Variants in ARMH4 observed in about 807,000 individuals in gnomAD.
The protein encoded by ARMH4 is armadillo like helical domain containing 4.
A neutral mutation model predicts 61.9 loss-of-function variants in ARMH4; 49 were observed. The observed-to-expected ratio is 0.79, with a 90% CI of 0.63 to 1.00. ARMH4 has a LOEUF of 1.00. Among genes scored for constraint, ARMH4 ranks in the 50% least tolerant of loss-of-function variants. ARMH4 has a pLI of 0.00. For synonymous variants in ARMH4, 368 were observed against 341.5 expected, an observed-to-expected ratio of 1.08 and a Z score of -0.85; for missense variants, 934 against 930.0, an observed-to-expected ratio of 1.00 and a Z score of -0.06.
intron 5 of ARMH4, among the ~76,000 whole-genome samples, chr14:58,089,760 G>C (rs1048248815): frequency 5.3e-5 from 8 of 152,314 alleles, no homozygotes; most frequent in Non-Finnish European, 8.8e-5. Flanking sequence ...ATAAATTAGA[G>C]GATCAGACAG....
At chr14:58,101,735 G>C (rs752526703) in intron 4 of ARMH4, among the ~76,000 whole-genome samples, 6 of 152,038 alleles carry the variant, frequency 3.9e-5, no homozygotes, top group Admixed American at 6.5e-5. Flanking sequence ...GAAAACAGCA[G>C]TGAGGATTGT....
At chr14:58,080,512 T>C (rs192078600) in intron 5 of ARMH4, among the ~76,000 whole-genome samples, 1 of 152,204 alleles carries the variant, frequency 6.6e-6, no homozygotes, top group African/African-American at 2.4e-5. Context: ...CTAATAGAAG[T>C]AGATATTATA....
intron 5 of ARMH4, among the ~76,000 whole-genome samples, chr14:58,026,093 T>C (rs1397704390): frequency 6.6e-6 from 1 of 151,996 alleles, no homozygotes; most frequent in Non-Finnish European, 1.5e-5. Flanking sequence ...GCCAGGGTTA[T>C]TTATTAGTGC....
chr14:58,008,877 A>G (rs1377299108), intron 6 of ARMH4, among the ~76,000 whole-genome samples: 1 of 152,214 alleles, frequency 6.6e-6, no homozygotes, highest in Admixed American at 6.5e-5. Context: ...GAAGAAATAG[A>G]TTGGTTTTAT....
At chr14:58,055,381 T>C (rs767129548) in intron 5 of ARMH4, among the ~76,000 whole-genome samples, 1 of 152,176 alleles carries the variant, frequency 6.6e-6, no homozygotes, top group Non-Finnish European at 1.5e-5. Flanking sequence ...TTTCAAAGGC[T>C]TATGGAGTAC....
At chr14:58,081,480 C>T (rs1320843448) in intron 5 of ARMH4, among the ~76,000 whole-genome samples, 1 of 151,622 alleles carries the variant, frequency 6.6e-6, no homozygotes, top group Non-Finnish European at 1.5e-5. Flanking sequence ...TAGTACAAAA[C>T]ACTCTCAAAT....
intron 4 of ARMH4, among the ~76,000 whole-genome samples, chr14:58,120,552 C>T (rs1484789283): frequency 1.3e-5 from 2 of 152,048 alleles, no homozygotes; most frequent in African/African-American, 4.8e-5. Flanking sequence ...GAGATATATT[C>T]TGAGCCAAAT....
At chr14:58,009,574 G>T (rs1055174827) in intron 6 of ARMH4, among the ~76,000 whole-genome samples, 5 of 152,066 alleles carry the variant, frequency 3.3e-5, no homozygotes, top group African/African-American at 4.8e-5. Flanking sequence ...ACTTTGGGAG[G>T]CCGAGGCAAG....
At chr14:58,032,126 C>T (rs1037040271) in intron 5 of ARMH4, among the ~76,000 whole-genome samples, 1 of 152,044 alleles carries the variant, frequency 6.6e-6, no homozygotes, top group Admixed American at 6.5e-5. Flanking sequence ...AAGGGCCCTT[C>T]GTCGGAGAGG....
rs781019905 is a variant in ARMH4 at position 58,096,888 on chromosome 14, G to A, written c.1925C>T (p.Ser642Leu). The change falls in exon 5 of 8, where the codon TCG becomes TTG. Residue 642 changes from serine (S) to leucine (L), a missense_variant. Ser to Leu is a moderately radical substitution (Grantham distance 145). Coordinates refer to ENST00000267485, the MANE Select transcript of ARMH4 (RefSeq NM_001001872.4). ...EEDEEDKDAD[S>L]LDEGLDGDTE... ...GTCACCATCCAAGCCCTCATCCAGC[G>A]AGTCTGCATCTTTATCTTCCTCATC... 7 of 1,614,084 alleles carry A rather than the reference G, an allele frequency of 4.3e-6. No individual in the cohort carries two copies. The highest frequency in any genetic ancestry group is 3.4e-6 in the Non-Finnish European group (4 of 1,180,014).
At chr14:58,042,014 A>G (rs898955651) in intron 5 of ARMH4, among the ~76,000 whole-genome samples, 1 of 152,062 alleles carries the variant, frequency 6.6e-6, no homozygotes, top group Non-Finnish European at 1.5e-5. Context: ...TTAACACCCC[A>G]CTGTCAACAT....
intron 5 of ARMH4, among the ~76,000 whole-genome samples, chr14:58,013,370 C>A (rs980196413): frequency 6.6e-6 from 1 of 151,776 alleles, no homozygotes; most frequent in African/African-American, 2.4e-5. Flanking sequence ...AAATATTTTT[C>A]TTTTGATTTT....
At chr14:58,093,958 T>C (rs913350197) in intron 5 of ARMH4, among the ~76,000 whole-genome samples, 12 of 152,184 alleles carry the variant, frequency 7.9e-5, no homozygotes, top group Admixed American at 7.9e-4. Flanking sequence ...AAGTCTGATA[T>C]ATTTTTAAAA....
chr14:58,107,959 T>C lies in ARMH4; in HGVS notation c.1832-10978A>G, dbSNP rs1199085680. On this transcript the variant is annotated intron_variant, in intron 4 of 7. Coordinates refer to ENST00000267485, the MANE Select transcript of ARMH4 (RefSeq NM_001001872.4). ...AAACATTTGTAGGCATACGTTTTCC[T>C]GGGAACTCTTATGCCAATAACAATC... Among the ~76,000 whole-genome samples the C allele has an allele frequency of 3.9e-5, 6 of 152,238 alleles. No individual in the cohort carries two copies. The East Asian group carries it at 1.2e-3, about 29-fold the overall frequency.
chr14:58,042,800 G>C (rs891186133), intron 5 of ARMH4, among the ~76,000 whole-genome samples: 49 of 152,268 alleles, frequency 3.2e-4, no homozygotes, highest in Middle Eastern at 3.4e-3. Context: ...ACTACCATCA[G>C]AGAATACAAT....
chr14:58,142,403 C>T (rs1183559632), intron 1 of ARMH4, among the ~76,000 whole-genome samples: 2 of 152,166 alleles, frequency 1.3e-5, no homozygotes, highest in Non-Finnish European at 2.9e-5. Flanking sequence ...ATCTACATGG[C>T]TGAAGACAAA....
chr14:58,075,211 T>C (rs545092622), intron 5 of ARMH4, among the ~76,000 whole-genome samples: 2 of 152,168 alleles, frequency 1.3e-5, no homozygotes, highest in East Asian at 3.9e-4. Flanking sequence ...TCCTCAAGGA[T>C]CTAGAACTAG....
At chr14:58,103,904 C>A (rs886644854) in intron 4 of ARMH4, among the ~76,000 whole-genome samples, 2 of 152,188 alleles carry the variant, frequency 1.3e-5, no homozygotes, top group Non-Finnish European at 1.5e-5. Flanking sequence ...CCACCAAAGA[C>A]AACTTGGTCC....
chr14:58,066,678 G>A (rs1393874515), intron 5 of ARMH4, among the ~76,000 whole-genome samples: 2 of 152,162 alleles, frequency 1.3e-5, no homozygotes, highest in African/African-American at 4.8e-5. Flanking sequence ...TAGCCAGAAG[G>A]AACGTCAGTA....
Sources: allele counts gnomAD v4.1 joint callset (sites outside exome capture counted in the v4.1 genomes callset), GRCh38; gene constraint gnomAD v4.1.1; transcripts MANE v1.5; gene names NCBI Gene and HGNC (gene_info 2026-07-23, HGNC 2026-07-21).